CYB5A: variants seen among roughly 807,000 people sequenced by gnomAD.
CYB5A encodes the protein cytochrome b5 type A, also known as cytochrome b5.
CYB5A carries 10 observed loss-of-function variants against 16.2 expected under a neutral mutation model. The observed-to-expected ratio is 0.62, with a 90% CI of 0.38 to 1.04. CYB5A has a LOEUF of 1.04. Among genes scored for constraint, CYB5A ranks in the 50% least tolerant of loss-of-function variants. CYB5A has a pLI of 0.01. For synonymous variants in CYB5A, 62 were observed against 57.0 expected, an observed-to-expected ratio of 1.09 and a Z score of -0.40; for missense variants, 161 against 165.9, an observed-to-expected ratio of 0.97 and a Z score of 0.16.
rs112463697 is a variant in CYB5A, at chr18:74,253,819, C to T, written c.324-154G>A. On this transcript the variant is annotated intron_variant, in intron 4 of 4. Coordinates refer to ENST00000340533, the MANE Select transcript of CYB5A (RefSeq NM_148923.4). Reference sequence around the variant, plus strand: ...GGCAACGTGGATTTGCTAAAAGTGACATGAGTGTAACACATGCCCTGCTAT... The same window carrying T: ...GGCAACGTGGATTTGCTAAAAGTGATATGAGTGTAACACATGCCCTGCTAT... Among the ~76,000 whole-genome samples, 1,508 of 152,352 alleles carry T rather than the reference C, an allele frequency of 9.9e-3. 17 individuals carry two copies. The highest frequency in any genetic ancestry group is 0.033 in the African/African-American group (1,374 of 41,578).
chr18:74,256,898 T>G (rs1368386260), intron 3 of CYB5A: 1 of 1,552,064 alleles, frequency 6.4e-7, no homozygotes, highest in East Asian at 2.2e-5. Flanking sequence ...AAAATAAAAT[T>G]GCAAATTTAT....
At chr18:74,280,527 G>T (rs1039916812) in intron 1 of CYB5A, among the ~76,000 whole-genome samples, 1 of 150,410 alleles carries the variant, frequency 6.6e-6, no homozygotes, top group Non-Finnish European at 1.5e-5. Context: ...GCAGTGAACC[G>T]TGATCATGCC....
intron 3 of CYB5A, 190 bp from the exon 4 acceptor site, chr18:74,255,965 T>C (rs538451879): frequency 7.1e-4 from 412 of 583,836 alleles, no homozygotes; most frequent in Non-Finnish European, 2.6e-4. Flanking sequence ...AGTAAAACAT[T>C]TTAATCATTA....
rs537406161 is a variant in CYB5A at position 74,287,974 on chromosome 18, T to C, written c.129+3773A>G. ...TCAAGCAAAGACTCAATTTCACAAATATAAACTCAAAAACTAGAACTCAGG... is the reference window on the plus strand; with the variant it reads ...TCAAGCAAAGACTCAATTTCACAAACATAAACTCAAAAACTAGAACTCAGG... On this transcript the variant is annotated intron_variant, in intron 1 of 4. Transcript: ENST00000340533. 2.0e-5 allele frequency among the ~76,000 whole-genome samples: 3 copies of C among 152,174 alleles called. No homozygotes were observed. In the South Asian group the frequency reaches 6.2e-4, roughly 32 times the overall value.
At chr18:74,256,762 G>C in intron 3 of CYB5A, 1 of 1,450,686 alleles carries the variant, frequency 6.9e-7, no homozygotes, top group Non-Finnish European at 9.7e-7. Flanking sequence ...GCACGTTAGA[G>C]AAACTCCCGT....
chr18:74,254,531 T>A (rs1415180943), intron 4 of CYB5A, among the ~76,000 whole-genome samples: 1 of 152,072 alleles, frequency 6.6e-6, no homozygotes, highest in East Asian at 1.9e-4. Context: ...ATCTTTTTTT[T>A]TTTTTTGATA....
At chr18:74,273,004 C>G (rs920164617) in intron 1 of CYB5A, among the ~76,000 whole-genome samples, 1 of 152,166 alleles carries the variant, frequency 6.6e-6, no homozygotes, top group Non-Finnish European at 1.5e-5. Context: ...TTGTCTGAAC[C>G]TTTTCAGTTA....
intron 1 of CYB5A, 88 bp from the exon 2 acceptor site, chr18:74,263,565 G>A: frequency 8.7e-7 from 1 of 1,154,600 alleles, no homozygotes; most frequent in Non-Finnish European, 1.3e-6. Context: ...CCAAACAGGT[G>A]ACTCCTTCAG....
At chr18:74,276,694 A>G (rs1305280669) in intron 1 of CYB5A, among the ~76,000 whole-genome samples, 1 of 152,146 alleles carries the variant, frequency 6.6e-6, no homozygotes, top group East Asian at 1.9e-4. Context: ...TGCTTAACCA[A>G]GCAAAAATGA....
At chr18:74,254,166 C>T (rs1204382552) in intron 4 of CYB5A, among the ~76,000 whole-genome samples, 6 of 151,994 alleles carry the variant, frequency 3.9e-5, no homozygotes, top group East Asian at 1.9e-4. Flanking sequence ...TGTGATAGAG[C>T]GAGACTGTCT....
At chr18:74,265,126 G>T (rs74567585) in intron 1 of CYB5A, among the ~76,000 whole-genome samples, 1,562 of 152,264 alleles carry the variant, frequency 0.01, 24 homozygotes, top group South Asian at 0.032. Flanking sequence ...ACATCACATT[G>T]TAGGAAGGTG....
At chr18:74,281,743 CTGTGTGTGTGTG>C (rs112934460) in intron 1 of CYB5A, among the ~76,000 whole-genome samples, 1 of 138,746 alleles carries the variant, frequency 7.2e-6, no homozygotes, top group Non-Finnish European at 1.5e-5. Context: ...TCAAGGGAGG[CTGTGTGTGTGTG>C]TGTGTGTGTG....
At chr18:74,273,153 T>C (rs934474767) in intron 1 of CYB5A, among the ~76,000 whole-genome samples, 4 of 152,102 alleles carry the variant, frequency 2.6e-5, no homozygotes, top group Non-Finnish European at 4.4e-5. Context: ...GTTAGCTGAA[T>C]GGTATCAATA....
chr18:74,263,882 A>G (rs192129388), intron 1 of CYB5A, among the ~76,000 whole-genome samples: 1 of 152,284 alleles, frequency 6.6e-6, no homozygotes, highest in African/African-American at 2.4e-5. Context: ...ACTGCACTCC[A>G]GCCTGGGTAA....
At chr18:74,270,069 TTGCTC>T (rs1982612484) in intron 1 of CYB5A, among the ~76,000 whole-genome samples, 1 of 152,082 alleles carries the variant, frequency 6.6e-6, no homozygotes. Flanking sequence ...TACAAGGCCC[TTGCTC>T]ATGGTCATGG....
chr18:74,277,405 C>T (rs147664411), intron 1 of CYB5A, among the ~76,000 whole-genome samples: 109 of 152,322 alleles, frequency 7.2e-4, no homozygotes, highest in African/African-American at 2.4e-3. Context: ...TCCCATTTCA[C>T]CTAGAAGGTC....
chr18:74,262,644 C>T (rs1316667940), intron 2 of CYB5A, among the ~76,000 whole-genome samples: 4 of 152,030 alleles, frequency 2.6e-5, no homozygotes, highest in Non-Finnish European at 5.9e-5. Flanking sequence ...TTTTTTAAAT[C>T]ATTTTTTAGA....
At chr18:74,256,550 C>T (rs989780424) in intron 3 of CYB5A, 1 of 495,286 alleles carries the variant, frequency 2.0e-6, no homozygotes, top group African/African-American at 1.9e-5. Flanking sequence ...AAGCTAAGGT[C>T]TAGTGAAATA....
chr18:74,261,193 T>C, intron 2 of CYB5A: 2 of 459,458 alleles, frequency 4.4e-6, no homozygotes, highest in Non-Finnish European at 8.0e-6. Flanking sequence ...CAGCTCTCTG[T>C]ACATGCTGAT....
Sources: allele counts gnomAD v4.1 joint callset (sites outside exome capture counted in the v4.1 genomes callset), GRCh38; gene constraint gnomAD v4.1.1; transcripts MANE v1.5; gene names NCBI Gene and HGNC (gene_info 2026-07-23, HGNC 2026-07-21).